EIF4E3: variants seen among roughly 807,000 people sequenced by gnomAD.
EIF4E3 encodes the protein eukaryotic translation initiation factor 4E type 3.
EIF4E3 carries 26 observed loss-of-function variants against 31.7 expected under a neutral mutation model. The ratio of observed to expected loss-of-function variants is 0.82; its 90% CI spans 0.60 to 1.14. The LOEUF (loss-of-function observed/expected upper bound fraction) is 1.14, where lower values mean the gene tolerates loss of function less well. Among genes scored for constraint, EIF4E3 ranks in the 50% most tolerant of loss-of-function variants. The probability of loss-of-function intolerance (pLI) is 0.00; values close to 1 mark genes in which losing one functional copy is unlikely to be tolerated. For synonymous variants in EIF4E3, 128 were observed against 107.7 expected, an observed-to-expected ratio of 1.19 and a Z score of -1.17; for missense variants, 304 against 270.9, an observed-to-expected ratio of 1.12 and a Z score of -0.86.
At chr3:71,733,730 C>A (rs929296170) in intron 1 of EIF4E3, among the ~76,000 whole-genome samples, 1 of 152,118 alleles carries the variant, frequency 6.6e-6, no homozygotes, top group African/African-American at 2.4e-5. Context: ...GATTTAAAAC[C>A]ATTCATTAAA....
At chr3:71,724,832 C>T (rs1391418722) in intron 1 of EIF4E3, among the ~76,000 whole-genome samples, 2 of 152,184 alleles carry the variant, frequency 1.3e-5, no homozygotes, top group African/African-American at 4.8e-5. Context: ...GCAGGACAGC[C>T]CTCTCCCTGC....
At chr3:71,696,564 G>T in intron 3 of EIF4E3, 44 bp from the exon 4 acceptor site, 1 of 1,603,042 alleles carries the variant, frequency 6.2e-7, no homozygotes, top group Non-Finnish European at 8.5e-7. Flanking sequence ...AGGACTAAGT[G>T]ATTCTACATA....
At chr3:71,706,457 A>G (rs1402933518) in intron 2 of EIF4E3, among the ~76,000 whole-genome samples, 1 of 152,200 alleles carries the variant, frequency 6.6e-6, no homozygotes, top group Admixed American at 6.5e-5. Flanking sequence ...ATCTAAACAC[A>G]TATGGGAGGA....
At chr3:71,695,601 G>T (rs1279000531) in intron 4 of EIF4E3, among the ~76,000 whole-genome samples, 1 of 152,140 alleles carries the variant, frequency 6.6e-6, no homozygotes, top group Non-Finnish European at 1.5e-5. Context: ...AAATGTTGGA[G>T]CTTCAAATCT....
Position 71,696,446 on chromosome 3 carries a change from C to G in EIF4E3, c.405+14G>C, listed in dbSNP as rs764653823. 6.2e-7 allele frequency: 1 copy of G among 1,614,014 alleles called. No homozygotes were observed. On this transcript the variant is annotated intron_variant, in intron 4 of 6. Transcript: ENST00000425534. ...AGCCTCGCCGGTTCTAGAAGAGGATCAGTAGGAACCTACCGTGCTGTCCTT... is the reference window on the plus strand; with the variant it reads ...AGCCTCGCCGGTTCTAGAAGAGGATGAGTAGGAACCTACCGTGCTGTCCTT...
intron 1 of EIF4E3, among the ~76,000 whole-genome samples, chr3:71,740,182 AAAG>A (rs1271844141): frequency 6.6e-6 from 1 of 152,170 alleles, no homozygotes; most frequent in African/African-American, 2.4e-5. Context: ...AAAAGGAAGC[AAAG>A]AGCAGTTAAG....
intron 6 of EIF4E3, 67 bp from the exon 7 acceptor site, chr3:71,684,795 C>T: frequency 3.2e-6 from 5 of 1,542,756 alleles, no homozygotes; most frequent in Non-Finnish European, 3.5e-6. Flanking sequence ...GATGGGCCAA[C>T]CCTCCTCTAG....
intron 5 of EIF4E3, among the ~76,000 whole-genome samples, chr3:71,693,634 A>C (rs1471377769): frequency 1.3e-5 from 2 of 152,252 alleles, no homozygotes; most frequent in South Asian, 2.1e-4. Flanking sequence ...AAAAATATAC[A>C]TGAATATATA....
chr3:71,745,777 A>G (rs1485128619), intron 1 of EIF4E3, among the ~76,000 whole-genome samples: 1 of 152,200 alleles, frequency 6.6e-6, no homozygotes, highest in Non-Finnish European at 1.5e-5. Flanking sequence ...TAACCACTAG[A>G]GAGAGTTTAA....
chr3:71,731,596 C>T (rs1368782765), intron 1 of EIF4E3, among the ~76,000 whole-genome samples: 1 of 152,240 alleles, frequency 6.6e-6, no homozygotes, highest in Non-Finnish European at 1.5e-5. Context: ...ATGGCTGGCA[C>T]ACCAGCAACA....
chr3:71,694,320 A>G (rs1366857079), intron 4 of EIF4E3, among the ~76,000 whole-genome samples: 1 of 152,236 alleles, frequency 6.6e-6, no homozygotes, highest in Non-Finnish European at 1.5e-5. Context: ...TATTAGTAAA[A>G]TCTTTCTCTT....
At chr3:71,670,346 G>A in the EIF4E3 span, among the ~76,000 whole-genome samples, 86 of 152,184 alleles carry the variant, frequency 5.7e-4, no homozygotes, top group African/African-American at 2.0e-3. Flanking sequence ...CGCAAGGCTC[G>A]CTGCATTTCT....
chr3:71,669,289 A>G, the EIF4E3 span, among the ~76,000 whole-genome samples: 229 of 152,210 alleles, frequency 1.5e-3, 1 homozygote, highest in African/African-American at 5.2e-3. Context: ...CATTAGGAGA[A>G]ATACCTAAGG....
the EIF4E3 span, among the ~76,000 whole-genome samples, chr3:71,668,998 A>G: frequency 6.6e-6 from 1 of 152,328 alleles, no homozygotes; most frequent in Middle Eastern, 3.4e-3. Context: ...ACCAACCCAA[A>G]TGCCCATCAG....
At chr3:71,746,745 A>G (rs1322936041) in intron 1 of EIF4E3, among the ~76,000 whole-genome samples, 1 of 152,160 alleles carries the variant, frequency 6.6e-6, no homozygotes, top group Non-Finnish European at 1.5e-5. Flanking sequence ...GAACATTTTC[A>G]TCACCCCCCA....
intron 2 of EIF4E3, among the ~76,000 whole-genome samples, chr3:71,705,713 G>A (rs903248117): frequency 1.3e-5 from 2 of 152,196 alleles, no homozygotes; most frequent in Admixed American, 1.3e-4. Context: ...GGAGAAGGGA[G>A]ACTTCTCTTG....
At chr3:71,724,582 T>C (rs1171147059) in intron 1 of EIF4E3, among the ~76,000 whole-genome samples, 1 of 152,194 alleles carries the variant, frequency 6.6e-6, no homozygotes, top group Non-Finnish European at 1.5e-5. Flanking sequence ...CTGCTCATTA[T>C]TGAATCTCCA....
chr3:71,675,014 G>A (rs901799351), downstream of EIF4E3, among the ~76,000 whole-genome samples: 4 of 152,162 alleles, frequency 2.6e-5, no homozygotes, highest in South Asian at 2.1e-4. Flanking sequence ...TGGGCATCCC[G>A]GACAAGTTCA....
intron 6 of EIF4E3, among the ~76,000 whole-genome samples, chr3:71,689,709 AT>A (rs1262976725): frequency 1.3e-5 from 2 of 151,962 alleles, no homozygotes; most frequent in Non-Finnish European, 2.9e-5. Flanking sequence ...ATAGAATGTA[AT>A]TTTTTTTCTG....
Sources: allele counts gnomAD v4.1 joint callset (sites outside exome capture counted in the v4.1 genomes callset), GRCh38; gene constraint gnomAD v4.1.1; transcripts MANE v1.5; gene names NCBI Gene and HGNC (gene_info 2026-07-23, HGNC 2026-07-21).